Variants in IGSF10 observed in about 807,000 individuals in gnomAD.
IGSF10 encodes immunoglobulin superfamily member 10.
In IGSF10, 126 loss-of-function variants were observed where a neutral mutation model predicts 128.2. That is an observed-to-expected ratio of 0.98 (90% CI 0.85 to 1.14). IGSF10 has a LOEUF of 1.14. Ranked by LOEUF, IGSF10 falls within the 50% of genes most tolerant of loss-of-function variation. The probability of loss-of-function intolerance (pLI) is 0.00; values close to 1 mark genes in which losing one functional copy is unlikely to be tolerated. For synonymous variants in IGSF10, 1,185 were observed against 1,146.2 expected (o/e 1.03, Z -0.68); for missense variants, 3,295 against 3,149.8 (o/e 1.05, Z -1.10).
chr3:151,453,786 A>G lies in IGSF10; in HGVS notation c.325-12T>C. 7.0e-7 allele frequency: 1 copy of G among 1,430,408 alleles called. No homozygotes were observed. The highest frequency in any genetic ancestry group is 9.5e-7 in the Non-Finnish European group (1 of 1,055,568). The allele number at this position is 1,430,408 out of a possible 1,614,324, so 88.6% of individuals were successfully genotyped here. On this transcript the variant is annotated splice_polypyrimidine_tract_variant and intron_variant, in intron 4 of 7. Transcript: ENST00000282466. ...CTCATTTTTAAGACCTATGAATTAA[A>G]AAAAAGAACATATTTATGTTGTCAA...
the IGSF10 span, among the ~76,000 whole-genome samples, chr3:151,596,650 C>T: frequency 1.6e-4 from 25 of 152,144 alleles, no homozygotes; most frequent in African/African-American, 5.8e-4. Flanking sequence ...GTAATGCACT[C>T]CTTCCTTAGG....
At chr3:151,540,826 G>A in the IGSF10 span, among the ~76,000 whole-genome samples, 2 of 152,292 alleles carry the variant, frequency 1.3e-5, no homozygotes, top group Middle Eastern at 3.4e-3. Context: ...ACCAATCCCT[G>A]CAATCTGTGA....
At chr3:151,578,813 C>T in the IGSF10 span, among the ~76,000 whole-genome samples, 1 of 152,160 alleles carries the variant, frequency 6.6e-6, no homozygotes, top group African/African-American at 2.4e-5. Context: ...CAGAAAATTG[C>T]TTTTAGCCAA....
the IGSF10 span, among the ~76,000 whole-genome samples, chr3:151,480,852 C>G: frequency 6.6e-6 from 1 of 152,048 alleles, no homozygotes; most frequent in Non-Finnish European, 1.5e-5. Flanking sequence ...ATTTGTGCCC[C>G]CAGCACCACA....
the IGSF10 span, among the ~76,000 whole-genome samples, chr3:151,508,369 C>T: frequency 6.6e-6 from 1 of 151,926 alleles, no homozygotes; most frequent in Non-Finnish European, 1.5e-5. Context: ...AAATTTGGTT[C>T]TCTCTTTTGA....
chr3:151,480,514 A>G, the IGSF10 span, among the ~76,000 whole-genome samples: 4 of 151,926 alleles, frequency 2.6e-5, no homozygotes, highest in South Asian at 8.4e-4. Flanking sequence ...TGCACTGACC[A>G]CCTCCCTATG....
chr3:151,559,725 G>A, the IGSF10 span, among the ~76,000 whole-genome samples: 3 of 152,116 alleles, frequency 2.0e-5, no homozygotes, highest in African/African-American at 7.2e-5. Context: ...GTATGGGAGA[G>A]TAAGAGAGTG....
In IGSF10 at chr3:151,436,918, A is replaced by T; in HGVS notation, c.7643T>A (p.Leu2548His). ...IVTRTGAAFQ[L>H]HCVALGVPKP... ...GGGAACTCCCAAGGCCACACAGTGGAGCTGAAAGGCTGCCCCTGTCCTGGT... is the reference window on the plus strand; with the variant it reads ...GGGAACTCCCAAGGCCACACAGTGGTGCTGAAAGGCTGCCCCTGTCCTGGT... The change falls in exon 8 of 8, where the codon CTC becomes CAC. Residue 2548 changes from leucine to histidine, a missense_variant. Coordinates refer to ENST00000282466, the MANE Select transcript of IGSF10 (RefSeq NM_178822.5). 6.2e-7 allele frequency: 1 copy of T among 1,614,142 alleles called. No homozygotes were observed. Among genetic ancestry groups the T allele is most frequent in the Non-Finnish European group, 8.5e-7 (1 of 1,180,000 alleles).
At chr3:151,608,915 C>A in the IGSF10 span, among the ~76,000 whole-genome samples, 1 of 152,164 alleles carries the variant, frequency 6.6e-6, no homozygotes, top group South Asian at 2.1e-4. Flanking sequence ...GCAATTACAA[C>A]CACCTGTAGA....
Position 151,438,509 on chromosome 3 carries a change from CCA to C in IGSF10, c.6050_6051del (p.Val2017GlyfsTer8). 1.2e-6 allele frequency: 2 copies of C among 1,614,018 alleles called. No homozygotes were observed. Among genetic ancestry groups the C allele is most frequent in the East Asian group, 4.5e-5 (2 of 44,872 alleles). Reference sequence around the variant, plus strand: ...AGATCATCCCCCATTTTGTTTCTTGCCACACACAAGTAGACACCACTGTCTTT... The same window carrying C: ...AGATCATCCCCCATTTTGTTTCTTGCCACACAAGTAGACACCACTGTCTTT... ...TEKDSGVYLC[V>X]ARNKMGDDLI... On this transcript the variant is annotated frameshift_variant, in exon 8 of 8. Transcript: ENST00000282466. LOFTEE classifies it low-confidence loss of function (END_TRUNC).
the IGSF10 span, among the ~76,000 whole-genome samples, chr3:151,489,448 T>G: frequency 1.3e-5 from 2 of 152,174 alleles, no homozygotes; most frequent in Non-Finnish European, 2.9e-5. Flanking sequence ...GAAATACCAT[T>G]TGACCCAGTG....
At chr3:151,585,957 T>C in the IGSF10 span, among the ~76,000 whole-genome samples, 1 of 152,066 alleles carries the variant, frequency 6.6e-6, no homozygotes, top group South Asian at 2.1e-4. Flanking sequence ...TGAAATATTA[T>C]GAAGTTGCTT....
chr3:151,553,849 C>T, the IGSF10 span, among the ~76,000 whole-genome samples: 7 of 151,768 alleles, frequency 4.6e-5, no homozygotes, highest in African/African-American at 7.3e-5. Context: ...CATGGTGGCT[C>T]ATGCCTGCAA....
the IGSF10 span, among the ~76,000 whole-genome samples, chr3:151,529,842 A>T: frequency 6.6e-6 from 1 of 151,980 alleles, no homozygotes; most frequent in South Asian, 2.1e-4. Flanking sequence ...AAGGAACAAA[A>T]CTGGATGCAG....
chr3:151,612,370 T>A, the IGSF10 span, among the ~76,000 whole-genome samples: 6 of 152,232 alleles, frequency 3.9e-5, no homozygotes, highest in Non-Finnish European at 8.8e-5. Flanking sequence ...CGTCTCATTG[T>A]GTGACACACA....
downstream of IGSF10, chr3:151,432,900 T>C: frequency 1.1e-6 from 1 of 936,542 alleles, no homozygotes. Context: ...TCCCTTTTTT[T>C]CATTTCTTTG....
chr3:151,437,523 T>C lies in IGSF10; in HGVS notation c.7038A>G (p.Lys2346=). Residue 2346 remains lysine (K), a synonymous_variant, in exon 8 of 8, where the codon AAA becomes AAG. Transcript: ENST00000282466. Reference sequence around the variant, plus strand: ...TGGACTTTCCCAGCTGGGCAACTATTTTTTCATTAAATGGATTTCTAAATG... The same window carrying C: ...TGGACTTTCCCAGCTGGGCAACTATCTTTTCATTAAATGGATTTCTAAATG... ...RPTFRNPFNE[K]IVAQLGKSTA... 6.2e-7 allele frequency: 1 copy of C among 1,614,186 alleles called. No individual in the cohort carries two copies. Among genetic ancestry groups the C allele is most frequent in the Non-Finnish European group, 8.5e-7 (1 of 1,180,044 alleles).
chr3:151,472,511 G>C, the IGSF10 span, among the ~76,000 whole-genome samples: 1 of 152,128 alleles, frequency 6.6e-6, no homozygotes, highest in African/African-American at 2.4e-5. Context: ...TGAAAAGGTT[G>C]AAAGAACAAA....
the IGSF10 span, among the ~76,000 whole-genome samples, chr3:151,576,729 T>G: frequency 6.6e-6 from 1 of 152,188 alleles, no homozygotes; most frequent in Non-Finnish European, 1.5e-5. Context: ...TTGCCACCAG[T>G]ACCACGAGAG....
Sources: gnomAD v4.1 joint callset for allele counts (sites outside exome capture counted in the v4.1 genomes callset) on GRCh38, gnomAD v4.1.1 for gene constraint, MANE v1.5 for transcripts, NCBI Gene and HGNC (gene_info 2026-07-23, HGNC 2026-07-21) for gene names.